The following KIFC3 variants were observed in gnomAD, a reference collection of about 807,000 sequenced individuals.
KIFC3 encodes kinesin-like protein KIFC3.
KIFC3 carries 60 observed loss-of-function variants against 101.8 expected under a neutral mutation model. The observed-to-expected ratio is 0.59, with a 90% CI of 0.48 to 0.73. The LOEUF (loss-of-function observed/expected upper bound fraction) is 0.73. Among genes scored for constraint, KIFC3 ranks in the 30% least tolerant of loss-of-function variants. The probability of loss-of-function intolerance (pLI) is 0.00; values close to 1 mark genes in which losing one functional copy is unlikely to be tolerated. For missense variants in KIFC3, 966 were observed against 1,137.1 expected (o/e 0.85, Z 2.16); for synonymous variants, 476 against 482.7 (o/e 0.99, Z 0.18).
intron 3 of KIFC3, chr16:57,774,290 A>G (rs2051717331): frequency 6.6e-6 from 1 of 152,240 alleles, no homozygotes; most frequent in Non-Finnish European, 1.5e-5. Context: ...AATACCCTGA[A>G]TAAGCACCCT....
intron 1 of KIFC3, among the ~76,000 whole-genome samples, chr16:57,854,630 A>G (rs1435690870): frequency 1.5e-4 from 4 of 27,412 alleles, no homozygotes; most frequent in Admixed American, 1.2e-3. Context: ...TCCGTCTCAG[A>G]AAAAAAAAAA....
chr16:57,789,278 T>C (rs964748014), intron 3 of KIFC3, among the ~76,000 whole-genome samples: 3 of 152,144 alleles, frequency 2.0e-5, no homozygotes, highest in Non-Finnish European at 4.4e-5. Context: ...CGAGAGGCCA[T>C]GGGAAGCCGT....
chr16:57,799,069 G>A (rs1426418413), intron 1 of KIFC3, among the ~76,000 whole-genome samples: 1 of 152,170 alleles, frequency 6.6e-6, no homozygotes, highest in East Asian at 1.9e-4. Flanking sequence ...GAGGCGGCAG[G>A]TGCGAGCCAG....
intron 1 of KIFC3, among the ~76,000 whole-genome samples, chr16:57,814,894 T>G (rs2149266321): frequency 6.6e-6 from 1 of 151,702 alleles, no homozygotes; most frequent in Middle Eastern, 3.4e-3. Flanking sequence ...AGTGCTAGGA[T>G]TACAGGTGTG....
At position 57,770,062 on chromosome 16, in the gene KIFC3, G is replaced by A; in HGVS notation, c.940-107C>T. On this transcript the variant is annotated intron_variant, in intron 7 of 19. Coordinates refer to ENST00000445690, the MANE Select transcript of KIFC3 (RefSeq NM_001130100.2). ...ACCTCCCATGCACATGAACACACAT[G>A]CACACACACATGTGCACACCCAGAG... The A allele has an allele frequency of 3.7e-6, 5 of 1,344,206 alleles. No homozygotes were observed. In the South Asian group the frequency reaches 5.4e-5, roughly 15 times the overall value. 83.3% of individuals were successfully genotyped at this position (1,344,206 alleles called of 1,614,324 possible).
chr16:57,833,827 C>T (rs2055632108), intron 1 of KIFC3, among the ~76,000 whole-genome samples: 2 of 150,310 alleles, frequency 1.3e-5, no homozygotes, highest in South Asian at 4.2e-4. Flanking sequence ...ATACCTCCTG[C>T]ATACACTTAA....
chr16:57,802,533 C>T, upstream of KIFC3: 1 of 986,308 alleles, frequency 1.0e-6, no homozygotes, highest in African/African-American at 1.7e-5. The surrounding 1 kb of genome is among the most constrained non-coding windows in gnomAD (Gnocchi z 5.0). Context: ...CGGGCCGCGG[C>T]GCGTTCCCAT....
chr16:57,818,225 G>A (rs1465314274), intron 1 of KIFC3, among the ~76,000 whole-genome samples: 2 of 152,110 alleles, frequency 1.3e-5, no homozygotes, highest in Admixed American at 6.6e-5. Context: ...GGGATTACAG[G>A]CATGAGCCAC....
upstream of KIFC3, among the ~76,000 whole-genome samples, chr16:57,805,676 T>TAG (rs1555626791): frequency 7.0e-6 from 1 of 142,290 alleles, no homozygotes; most frequent in Non-Finnish European, 1.6e-5. Flanking sequence ...CCATAGACTT[T>TAG]TTTTTTTTTT....
intron 1 of KIFC3, among the ~76,000 whole-genome samples, chr16:57,799,567 G>C (rs77174545): frequency 6.6e-6 from 1 of 152,182 alleles, no homozygotes; most frequent in Non-Finnish European, 1.5e-5. Flanking sequence ...GATGGCTTGT[G>C]GGGTGAACGT....
intron 1 of KIFC3, among the ~76,000 whole-genome samples, chr16:57,849,855 A>G (rs1044266433): frequency 2.0e-5 from 3 of 152,184 alleles, no homozygotes; most frequent in Admixed American, 1.3e-4. Context: ...GTGAGCCGAG[A>G]TCATGCCACT....
chr16:57,799,433 C>T (rs2054581094), intron 1 of KIFC3, among the ~76,000 whole-genome samples: 1 of 152,094 alleles, frequency 6.6e-6, no homozygotes, highest in African/African-American at 2.4e-5. Flanking sequence ...CACTTCCTGC[C>T]AGGAAGTGAA....
intron 4 of KIFC3, 22 bp from the exon 5 acceptor site, chr16:57,771,708 G>C: frequency 8.1e-6 from 13 of 1,604,308 alleles, no homozygotes; most frequent in Non-Finnish European, 9.4e-6. Context: ...CAGGGCCGAG[G>C]GGGCGCATGT....
intron 1 of KIFC3, among the ~76,000 whole-genome samples, chr16:57,810,416 C>T (rs1555627658): frequency 6.6e-6 from 1 of 152,168 alleles, no homozygotes; most frequent in Non-Finnish European, 1.5e-5. Context: ...TGTTTGCAAA[C>T]AGCAACAGGA....
At chr16:57,860,009 G>A (rs2056259195) in intron 1 of KIFC3, among the ~76,000 whole-genome samples, 1 of 113,520 alleles carries the variant, frequency 8.8e-6, no homozygotes, top group Admixed American at 8.9e-5. Flanking sequence ...GCAACAGAGT[G>A]AGACTCTGTC....
chr16:57,778,439 T>C (rs1555612911), intron 3 of KIFC3, among the ~76,000 whole-genome samples: 4 of 152,124 alleles, frequency 2.6e-5, no homozygotes. Flanking sequence ...AATAGGTAAG[T>C]CAGACTTTAT....
intron 1 of KIFC3, among the ~76,000 whole-genome samples, chr16:57,857,580 C>T (rs1227778181): frequency 2.0e-5 from 3 of 151,554 alleles, no homozygotes; most frequent in African/African-American, 4.8e-5. Flanking sequence ...CAGTGTGTGA[C>T]GTTCCCCTCC....
intron 3 of KIFC3, among the ~76,000 whole-genome samples, chr16:57,790,214 A>G (rs981919586): frequency 6.7e-6 from 1 of 150,136 alleles, no homozygotes; most frequent in Non-Finnish European, 1.5e-5. Flanking sequence ...CAAGTAGCAG[A>G]GACTACAGGT....
At position 57,798,171 on chromosome 16, in the gene KIFC3, C is replaced by T; in HGVS notation, c.73G>A (p.Ala25Thr). ...GCCATCCCCGGCTCGGGCTCCGGGG[C>T]CCGGCCCACTCTCCACAGGCCCCGC... ...SLRGLWRVGR[A>T]PEPEPGMARP... Residue 25 changes from alanine (A) to threonine (T), a missense_variant, in exon 2 of 20, where the codon GCC (alanine) becomes ACC (threonine). Transcript: ENST00000445690. The T allele has an allele frequency of 1.3e-6, 2 of 1,540,026 alleles. No homozygotes were observed. Among genetic ancestry groups the T allele is most frequent in the Non-Finnish European group, 1.7e-6 (2 of 1,143,096 alleles).
Sources: allele counts gnomAD v4.1 joint callset (sites outside exome capture counted in the v4.1 genomes callset), GRCh38; gene constraint gnomAD v4.1.1; non-coding constraint Gnocchi (gnomAD v3.1); transcripts MANE v1.5; gene names NCBI Gene and HGNC (gene_info 2026-07-23, HGNC 2026-07-21).